SGCZ: variants seen among roughly 807,000 people sequenced by gnomAD.
The protein encoded by SGCZ is sarcoglycan zeta, also known as zeta-sarcoglycan.
SGCZ carries 40 observed loss-of-function variants against 41.3 expected under a neutral mutation model. That is an observed-to-expected ratio of 0.97 (90% confidence interval 0.75 to 1.26). SGCZ has a LOEUF of 1.26. SGCZ is among the 50% of genes most tolerant of loss of function. The pLI, the probability that SGCZ is intolerant of heterozygous loss-of-function variation, is 0.00. For synonymous variants in SGCZ, 206 were observed against 137.5 expected (o/e 1.50, Z -3.49); for missense variants, 552 against 369.8 (o/e 1.49, Z -4.04).
Position 14,427,045 on chromosome 8 carries a change from T to TGAATGAATGAATGAATGAGTGAATGAAC in SGCZ, c.235-102842_235-102841insGTTCATTCACTCATTCATTCATTCATTC, listed in dbSNP as rs1563321944. Reference sequence around the variant, plus strand: ...CAGTAACATTAAATGAATGAATGAATGAATGAATGAATGAATGAATGAGTG... The same window carrying TGAATGAATGAATGAATGAGTGAATGAAC: ...CAGTAACATTAAATGAATGAATGAATGAATGAATGAATGAATGAGTGAATGAACGAATGAATGAATGAATGAATGAGTG... On this transcript the variant is annotated intron_variant, in intron 2 of 7. Transcript: ENST00000382080. 1.4e-3 allele frequency among the ~76,000 whole-genome samples: 205 copies of TGAATGAATGAATGAATGAGTGAATGAAC among 141,954 alleles called. 1 individual carries two copies. The highest frequency in any genetic ancestry group is 4.4e-3 in the African/African-American group (178 of 40,404). 93.1% of individuals were successfully genotyped at this position (141,954 alleles called of 152,430 possible). A position where few individuals can be genotyped will look rare whatever the true frequency, so the allele number is the denominator to read the frequency against.
At chr8:14,396,216 T>A (rs1268450421) in intron 2 of SGCZ, among the ~76,000 whole-genome samples, 1 of 152,184 alleles carries the variant, frequency 6.6e-6, no homozygotes, top group Non-Finnish European at 1.5e-5. Flanking sequence ...GCTTCTTATT[T>A]TAGTTCCTAC....
At chr8:14,547,967 G>A (rs1411403472) in intron 2 of SGCZ, among the ~76,000 whole-genome samples, 1 of 152,178 alleles carries the variant, frequency 6.6e-6, no homozygotes. Context: ...AACAGAAAGA[G>A]TAAATTTCAT....
rs148223546 is a variant in SGCZ at position 14,965,903 on chromosome 8, T to A, written c.39+271682A>T. On this transcript the variant is annotated intron_variant, in intron 1 of 7. Coordinates refer to ENST00000382080, the MANE Select transcript of SGCZ (RefSeq NM_139167.4). The stretch of plus-strand genomic sequence containing the variant: ...GGAATTAAAAGAATAAACAATACTC[T>A]ACCTCTAACTCATGATCGAAGAAGA... 2.9e-3 allele frequency among the ~76,000 whole-genome samples: 447 copies of A among 152,222 alleles called. 3 individuals are homozygous for A. Among genetic ancestry groups the A allele is most frequent in the African/African-American group, 9.8e-3 (406 of 41,578 alleles).
chr8:14,529,427 C>T (rs963978751), intron 2 of SGCZ, among the ~76,000 whole-genome samples: 8 of 152,114 alleles, frequency 5.3e-5, no homozygotes, highest in African/African-American at 1.9e-4. Flanking sequence ...GCAAATGTGC[C>T]ACATTGTTTA....
At chr8:14,874,256 T>A (rs939770339) in intron 1 of SGCZ, among the ~76,000 whole-genome samples, 1 of 152,156 alleles carries the variant, frequency 6.6e-6, no homozygotes, top group African/African-American at 2.4e-5. Context: ...CTTGCTATAG[T>A]CAATCTGACT....
At chr8:14,688,597 G>A (rs199497966) in intron 1 of SGCZ, among the ~76,000 whole-genome samples, 2 of 150,686 alleles carry the variant, frequency 1.3e-5, no homozygotes, top group Admixed American at 6.6e-5. Context: ...GGTTACTGTA[G>A]CCTTGTAGTA....
chr8:14,651,466 A>G (rs535717705), intron 1 of SGCZ, among the ~76,000 whole-genome samples: 1 of 152,198 alleles, frequency 6.6e-6, no homozygotes, highest in East Asian at 1.9e-4. Context: ...CCCAAACAAT[A>G]GACAGTGGTA....
chr8:15,081,696 A>C (rs950791868), intron 1 of SGCZ, among the ~76,000 whole-genome samples: 6 of 152,206 alleles, frequency 3.9e-5, no homozygotes, highest in African/African-American at 1.4e-4. Flanking sequence ...GGGAATGTAC[A>C]CAAGCTGCCA....
chr8:15,014,544 C>A (rs1352362607), intron 1 of SGCZ, among the ~76,000 whole-genome samples: 1 of 152,176 alleles, frequency 6.6e-6, no homozygotes, highest in African/African-American at 2.4e-5. Flanking sequence ...ACCTTAAGCA[C>A]CAACATGTTT....
chr8:15,082,058 G>A (rs920131517), intron 1 of SGCZ, among the ~76,000 whole-genome samples: 5 of 151,758 alleles, frequency 3.3e-5, no homozygotes, highest in African/African-American at 4.8e-5. Context: ...GTGAAACCCC[G>A]CCTCTACTAA....
In SGCZ at chr8:14,854,891, CAG is replaced by C. The variant is rs773602746; in HGVS notation, c.40-299967_40-299966del. 6.4e-4 allele frequency among the ~76,000 whole-genome samples: 97 copies of C among 151,728 alleles called. 1 individual carries two copies. Among genetic ancestry groups the C allele is most frequent in the Non-Finnish European group, 8.8e-4 (60 of 67,964 alleles). On this transcript the variant is annotated intron_variant, in intron 1 of 7. Coordinates refer to ENST00000382080, the MANE Select transcript of SGCZ (RefSeq NM_139167.4). ...TCAAAGGCTGCACTGCCACTATTCA[CAG>C]AGATATGTCAGCATGTCCACAGGGG...
At chr8:14,596,367 T>C (rs1464534204) in intron 1 of SGCZ, among the ~76,000 whole-genome samples, 1 of 152,092 alleles carries the variant, frequency 6.6e-6, no homozygotes, top group Admixed American at 6.6e-5. Flanking sequence ...ATGACTTGAA[T>C]CTTAAAATAT....
chr8:14,398,628 T>TTTTTA (rs113786987), intron 2 of SGCZ, among the ~76,000 whole-genome samples: 25,641 of 151,926 alleles, frequency 0.17, 5,127 homozygotes, highest in African/African-American at 0.48. Context: ...AGGCTCAAGA[T>TTTTTA]TTTTATTTTT....
rs559588100 is a variant in SGCZ, at chr8:14,676,606, C to A, written c.40-121680G>T. 3.3e-5 allele frequency among the ~76,000 whole-genome samples: 5 copies of A among 152,196 alleles called. No homozygotes were observed. In the East Asian group the frequency reaches 9.7e-4, roughly 29 times the overall value. ...ATTATTTAAAGAAATTCCCCAAAACCTACTGCACAATAATATAAACCACGA... is the reference window on the plus strand; with the variant it reads ...ATTATTTAAAGAAATTCCCCAAAACATACTGCACAATAATATAAACCACGA... On this transcript the variant is annotated intron_variant, in intron 1 of 7. Transcript: ENST00000382080.
chr8:14,502,701 G>T (rs956808674), intron 2 of SGCZ, among the ~76,000 whole-genome samples: 1 of 152,156 alleles, frequency 6.6e-6, no homozygotes, highest in Non-Finnish European at 1.5e-5. Flanking sequence ...ATGAAAAAAA[G>T]CTCATCATCA....
At chr8:15,210,234 G>A (rs1801194288) in intron 1 of SGCZ, among the ~76,000 whole-genome samples, 1 of 152,130 alleles carries the variant, frequency 6.6e-6, no homozygotes, top group Non-Finnish European at 1.5e-5. Flanking sequence ...GGGTGTTTAT[G>A]TGGGGTGATA....
chr8:14,428,121 CACACACACACACAT>C (rs780027134), intron 2 of SGCZ, among the ~76,000 whole-genome samples: 1,303 of 6,658 alleles, frequency 0.2, 31 homozygotes, highest in South Asian at 0.41. Context: ...CACACACACA[CACACACACACACAT>C]ATATATATAT....
intron 1 of SGCZ, among the ~76,000 whole-genome samples, chr8:15,044,537 A>C (rs1255636498): frequency 6.6e-6 from 1 of 152,198 alleles, no homozygotes; most frequent in African/African-American, 2.4e-5. Context: ...ACATAGTAAT[A>C]CTTCAAAGAT....
In SGCZ at chr8:14,133,848, A is replaced by G. The variant is rs550286244; in HGVS notation, c.548-25613T>C. 6.6e-5 allele frequency among the ~76,000 whole-genome samples: 10 copies of G among 152,260 alleles called. No homozygotes were observed. In the East Asian group the frequency reaches 1.7e-3, roughly 26 times the overall value. ...CAACATGTATTTTAAAATTACCACT[A>G]CATTATACTGCACTCCAGTTTTGTG... is the stretch of plus-strand genomic sequence containing the variant. On this transcript the variant is annotated intron_variant, in intron 5 of 7. Transcript: ENST00000382080.
Sources: gnomAD v4.1 joint callset for allele counts (sites outside exome capture counted in the v4.1 genomes callset) on GRCh38, gnomAD v4.1.1 for gene constraint, MANE v1.5 for transcripts, NCBI Gene and HGNC (gene_info 2026-07-23, HGNC 2026-07-21) for gene names.